The following GIMD1 variants were observed in gnomAD, a reference collection of about 807,000 sequenced individuals.
GIMD1 encodes the protein GIMAP family P-loop NTPase domain containing 1, also known as GTPase IMAP family member GIMD1.
A neutral mutation model predicts 14.9 loss-of-function variants in GIMD1; 14 were observed. That is an observed-to-expected ratio of 0.94 (90% confidence interval 0.62 to 1.47). The LOEUF (loss-of-function observed/expected upper bound fraction) is 1.47, where lower values mean the gene tolerates loss of function less well. GIMD1 is among the 40% of genes most tolerant of loss of function. The pLI, the probability that GIMD1 is intolerant of heterozygous loss-of-function variation, is 0.00. For missense variants in GIMD1, 272 were observed against 255.3 expected (o/e 1.07, Z -0.44); for synonymous variants, 91 against 90.5 (o/e 1.01, Z -0.03).
intron 2 of GIMD1, among the ~76,000 whole-genome samples, chr4:106,362,404 T>G (rs558447476): frequency 2.6e-5 from 4 of 152,098 alleles, no homozygotes; most frequent in African/African-American, 7.2e-5. Context: ...AAAAGCAAGA[T>G]AAGTTAATGT....
intron 2 of GIMD1, 42 bp from the exon 3 acceptor site, chr4:106,358,485 T>G: frequency 7.0e-7 from 1 of 1,433,212 alleles, no homozygotes; most frequent in East Asian, 2.5e-5. Flanking sequence ...TTGAACTATA[T>G]TCCTCAAAAA....
intron 1 of GIMD1, among the ~76,000 whole-genome samples, chr4:106,367,921 A>G (rs774594827): frequency 2.6e-5 from 4 of 152,150 alleles, no homozygotes; most frequent in East Asian, 1.9e-4. Flanking sequence ...CCATCTTCCC[A>G]CTTCCCGACC....
chr4:106,367,196 G>A lies in GIMD1; in HGVS notation c.240C>T (p.His80=), dbSNP rs1325616100. 3.8e-5 allele frequency: 58 copies of A among 1,535,680 alleles called. No homozygotes were observed. The highest frequency in any genetic ancestry group is 4.9e-5 in the Non-Finnish European group (56 of 1,146,728). The change falls in exon 2 of 3, where the codon CAC becomes CAT. Residue 80 remains histidine (H), a synonymous_variant. Coordinates refer to ENST00000638719, the MANE Select transcript of GIMD1 (RefSeq NM_001195138.2). ...VQVLDTPGYP[H]SRLSKKYVKQ... ...TCACATACTTCTTGCTCAGCCTGCT[G>A]TGTGGATAACCTGGAGTGTCCAACA...
At chr4:106,358,505 G>T in intron 2 of GIMD1, 62 bp from the exon 3 acceptor site, 1 of 1,266,686 alleles carries the variant, frequency 7.9e-7, no homozygotes, top group Non-Finnish European at 1.1e-6. Context: ...ATGAGCAAAG[G>T]ATTTATTACG....
chr4:106,365,360 G>A (rs573879083), intron 2 of GIMD1, among the ~76,000 whole-genome samples: 162 of 147,512 alleles, frequency 1.1e-3, no homozygotes, highest in African/African-American at 3.8e-3. Context: ...TGATTTTTCT[G>A]CTAGTTTCTT....
intron 2 of GIMD1, among the ~76,000 whole-genome samples, chr4:106,361,041 C>G (rs1264372527): frequency 6.6e-6 from 1 of 152,042 alleles, no homozygotes; most frequent in Non-Finnish European, 1.5e-5. Flanking sequence ...TCATTTGCAT[C>G]AGAATCACCT....
chr4:106,358,580 A>C, intron 2 of GIMD1, 137 bp from the exon 3 acceptor site: 1 of 624,316 alleles, frequency 1.6e-6, no homozygotes, highest in Non-Finnish European at 2.6e-6. Flanking sequence ...ACAATGTAGG[A>C]AATGAAGACA....
At chr4:106,361,559 A>C (rs1387089824) in intron 2 of GIMD1, among the ~76,000 whole-genome samples, 1 of 152,134 alleles carries the variant, frequency 6.6e-6, no homozygotes, top group Non-Finnish European at 1.5e-5. Context: ...GATCACTCTT[A>C]TCTCTGAAAG....
chr4:106,367,284 C>T lies in GIMD1; in HGVS notation c.152G>A (p.Arg51His), dbSNP rs778559616. Residue 51 changes from arginine (R) to histidine (H), a missense_variant, in exon 2 of 3, where the codon CGC (arginine) becomes CAC (histidine). Transcript: ENST00000638719. ...CATGAAGCTGTGGAGGTGACAACTG[C>T]GGCCCAGGCTACAACATGTGGTCAC... The part of the protein sequence containing the change: ...CSVTTCCSLG[R>H]SCHLHSFMRR... The T allele has an allele frequency of 1.2e-4, 188 of 1,535,800 alleles. No individual in the cohort carries two copies. The highest frequency in any genetic ancestry group is 1.4e-4 in the Non-Finnish European group (156 of 1,146,834).
At position 106,368,513 on chromosome 4, in the gene GIMD1, A is replaced by G. The variant is rs1435544396; in HGVS notation, c.-3+197T>C. Among the ~76,000 whole-genome samples the G allele has an allele frequency of 2.6e-5, 4 of 152,088 alleles. 1 individual carries two copies. The highest frequency in any genetic ancestry group is 5.9e-5 in the Non-Finnish European group (4 of 68,010). On this transcript the variant is annotated intron_variant, in intron 1 of 2. Coordinates refer to ENST00000638719, the MANE Select transcript of GIMD1 (RefSeq NM_001195138.2). The stretch of plus-strand genomic sequence containing the variant: ...ATTATACCCACACGCTAACGTGAAC[A>G]CCTTGAAGGAGCTTCATACCTCCAT...
chr4:106,366,179 C>A (rs1044220014), intron 2 of GIMD1, among the ~76,000 whole-genome samples: 1 of 152,140 alleles, frequency 6.6e-6, no homozygotes, highest in African/African-American at 2.4e-5. Context: ...TAGAATGGAG[C>A]AGTCACTTAT....
chr4:106,367,133 C>T lies in GIMD1; in HGVS notation c.303G>A (p.Gly101=). ...GGAGTGCAAGGTGGAGACCCCCTTG[C>T]CCGAAGTGATGTGCCAGAGCCTCTT... The part of the protein sequence containing the change: ...EVKEALAHHF[G]QGGLHLALLV... The change falls in exon 2 of 3, where the codon GGG becomes GGA. Residue 101 remains glycine, a synonymous_variant. Coordinates refer to ENST00000638719, the MANE Select transcript of GIMD1 (RefSeq NM_001195138.2). 6.5e-7 allele frequency: 1 copy of T among 1,535,508 alleles called. No homozygotes were observed. Among genetic ancestry groups the T allele is most frequent in the Non-Finnish European group, 8.7e-7 (1 of 1,146,614 alleles).
rs1405802519 is a variant in GIMD1, at chr4:106,367,243, C to G, written c.193G>C (p.Glu65Gln). The change falls in exon 2 of 3, where the codon GAG becomes CAG. Residue 65 changes from glutamate to glutamine, a missense_variant. By Grantham distance (29) the Glu-to-Gln change is conservative. Coordinates refer to ENST00000638719, the MANE Select transcript of GIMD1 (RefSeq NM_001195138.2). ...AACACCTGGACCTGCAGGGCTACCT[C>G]TAGCCCACCTCGACGCATGAAGCTG... ...LHSFMRRGGLEVALQVQVLDT... is the reference protein window; with the variant it reads ...LHSFMRRGGLQVALQVQVLDT... The G allele has an allele frequency of 6.5e-7, 1 of 1,535,650 alleles. No homozygotes were observed. Among genetic ancestry groups the G allele is most frequent in the Admixed American group, 2.0e-5 (1 of 50,990 alleles).
chr4:106,362,490 G>T (rs1199761668), intron 2 of GIMD1, among the ~76,000 whole-genome samples: 2 of 152,004 alleles, frequency 1.3e-5, no homozygotes, highest in Non-Finnish European at 2.9e-5. Context: ...GAATTGTTTG[G>T]TTTGAGTGCT....
At chr4:106,361,999 G>A (rs755103112) in intron 2 of GIMD1, among the ~76,000 whole-genome samples, 29 of 151,940 alleles carry the variant, frequency 1.9e-4, no homozygotes, top group South Asian at 8.3e-4. Context: ...ACATTAACAT[G>A]TTCCCTTTTG....
Position 106,367,317 on chromosome 4 carries a change from G to C in GIMD1, c.119C>G (p.Pro40Arg). 1 of 1,536,020 alleles carries C rather than the reference G, an allele frequency of 6.5e-7. No individual in the cohort carries two copies. The highest frequency in any genetic ancestry group is 1.2e-5 in the South Asian group (1 of 84,058). The change falls in exon 2 of 3, where the codon CCC (proline) becomes CGC (arginine). Residue 40 changes from proline (P) to arginine (R), a missense_variant. Transcript: ENST00000638719. ...GSTDFHSSFA[P>R]CSVTTCCSLG... ...GCTACAACATGTGGTCACAGAACAG[G>C]GAGCAAAGCTGCTGTGAAAGTCTGT...
intron 1 of GIMD1, among the ~76,000 whole-genome samples, chr4:106,367,907 T>G (rs1770729197): frequency 6.6e-6 from 1 of 152,026 alleles, no homozygotes; most frequent in African/African-American, 2.4e-5. Flanking sequence ...TCTAACAACA[T>G]CCCCCATCTT....
At chr4:106,366,987 G>A in intron 2 of GIMD1, 56 bp downstream of exon 2, 1 of 661,386 alleles carries the variant, frequency 1.5e-6, no homozygotes, top group Middle Eastern at 2.6e-4. Flanking sequence ...ATACTATTAG[G>A]ATAATGTCCT....
At chr4:106,358,572 A>G (rs1189578404) in intron 2 of GIMD1, 129 bp from the exon 3 acceptor site, 1 of 653,516 alleles carries the variant, frequency 1.5e-6, no homozygotes, top group Non-Finnish European at 2.4e-6. Context: ...GCTGATATAC[A>G]ATGTAGGAAA....
Sources: allele counts gnomAD v4.1 joint callset (sites outside exome capture counted in the v4.1 genomes callset), GRCh38; gene constraint gnomAD v4.1.1; transcripts MANE v1.5; gene names NCBI Gene and HGNC (gene_info 2026-07-23, HGNC 2026-07-21).